Variants in CAMSAP1 observed in about 807,000 individuals in gnomAD.
CAMSAP1 encodes calmodulin regulated spectrin associated protein 1, also known as calmodulin-regulated spectrin-associated protein 1.
Under a neutral mutation model 143.5 loss-of-function variants are expected in CAMSAP1, and 58 were observed. The observed-to-expected ratio is 0.40, with a 90% CI of 0.33 to 0.50. CAMSAP1 has a LOEUF of 0.50. Among genes scored for constraint, CAMSAP1 ranks in the 20% least tolerant of loss-of-function variants. The probability of loss-of-function intolerance (pLI) is 0.45; values close to 1 mark genes in which losing one functional copy is unlikely to be tolerated. For missense variants in CAMSAP1, 1,969 were observed against 2,115.7 expected (o/e 0.93, Z 1.36); for synonymous variants, 945 against 859.3 (o/e 1.10, Z -1.74).
chr9:135,826,944 G>A lies in CAMSAP1; in HGVS notation c.1223+463C>T, dbSNP rs1360283329. On this transcript the variant is annotated intron_variant, in intron 8 of 16. Transcript: ENST00000389532. The surrounding 1 kb of genome is among the most constrained non-coding windows in gnomAD (Gnocchi z 4.4). ...TTTTCTAGAGTAGTTTAGCCTTTAA[G>A]CAGCTCTATACACTTTTTCACTCGA... Among the ~76,000 whole-genome samples, 1 of 152,154 alleles carries A rather than the reference G, an allele frequency of 6.6e-6. No homozygotes were observed.
chr9:135,851,399 A>G (rs958281177), intron 5 of CAMSAP1, among the ~76,000 whole-genome samples: 4 of 152,194 alleles, frequency 2.6e-5, no homozygotes, highest in African/African-American at 9.7e-5. Flanking sequence ...TCATTCTCAA[A>G]AGAAAACTTT....
chr9:135,850,271 A>C (rs756458094), intron 6 of CAMSAP1, 38 bp from the exon 7 acceptor site: 1 of 1,612,790 alleles, frequency 6.2e-7, no homozygotes, highest in Non-Finnish European at 8.5e-7. Context: ...TATGATAAGC[A>C]GTTTATTCAC....
intron 1 of CAMSAP1, among the ~76,000 whole-genome samples, chr9:135,897,955 A>T (rs1055021534): frequency 1.7e-4 from 26 of 152,214 alleles, no homozygotes; most frequent in South Asian, 1.0e-3. Context: ...GGAAATTTTT[A>T]AAAAATACCT....
In CAMSAP1 at chr9:135,861,347, CT is replaced by C. The variant is rs1837186139; in HGVS notation, c.808+1119del. 2.7e-5 allele frequency among the ~76,000 whole-genome samples: 4 copies of C among 149,636 alleles called. No individual in the cohort carries two copies. The South Asian group carries it at 8.4e-4, about 31-fold the overall frequency. ...TTTCCCCCCGAGACAGAGTCTCGCT[CT>C]GTTGCCCAGGCTGGAATTCTCTGGT... is the stretch of plus-strand genomic sequence containing the variant. On this transcript the variant is annotated intron_variant, in intron 5 of 16. Coordinates refer to ENST00000389532, the MANE Select transcript of CAMSAP1 (RefSeq NM_015447.4).
chr9:135,884,818 C>G (rs1029205436), intron 1 of CAMSAP1, among the ~76,000 whole-genome samples: 1 of 152,180 alleles, frequency 6.6e-6, no homozygotes, highest in East Asian at 1.9e-4. Flanking sequence ...CCGCACACGC[C>G]GGAGTGAGAC....
intron 3 of CAMSAP1, among the ~76,000 whole-genome samples, chr9:135,867,996 T>G (rs1177397011): frequency 6.6e-6 from 1 of 152,188 alleles, no homozygotes; most frequent in Non-Finnish European, 1.5e-5. Flanking sequence ...CAGTCCCACC[T>G]CATCCCACAA....
chr9:135,862,206 CCT>C (rs1564446064), intron 5 of CAMSAP1, among the ~76,000 whole-genome samples: 1 of 145,016 alleles, frequency 6.9e-6, no homozygotes, highest in African/African-American at 2.5e-5. Context: ...CTCACCTTAG[CCT>C]CCCGAGTGGC....
chr9:135,813,499 G>A (rs997617845), intron 16 of CAMSAP1, among the ~76,000 whole-genome samples: 13 of 152,208 alleles, frequency 8.5e-5, no homozygotes, highest in Non-Finnish European at 1.6e-4. Flanking sequence ...ATGCCAAAAA[G>A]AAAGAAACAT....
chr9:135,879,955 T>C (rs1837884367), intron 3 of CAMSAP1, among the ~76,000 whole-genome samples: 2 of 151,942 alleles, frequency 1.3e-5, no homozygotes, highest in Non-Finnish European at 1.5e-5. Context: ...CACTGTGTTG[T>C]AGGCCTATAT....
At chr9:135,869,727 T>C (rs1401322307) in intron 3 of CAMSAP1, among the ~76,000 whole-genome samples, 1 of 152,086 alleles carries the variant, frequency 6.6e-6, no homozygotes, top group Non-Finnish European at 1.5e-5. Flanking sequence ...CACAGGAAAC[T>C]TGTGCATGAA....
rs1201740794 is a variant in CAMSAP1, at chr9:135,826,069, T to C, written c.1224-1189A>G. 1.3e-5 allele frequency: 2 copies of C among 152,148 alleles called. No individual in the cohort carries two copies. The highest frequency in any genetic ancestry group is 4.8e-5 in the African/African-American group (2 of 41,400). 9.4% of individuals were successfully genotyped at this position (152,148 alleles called of 1,614,324 possible). A position where few individuals can be genotyped will look rare whatever the true frequency, so the allele number is the denominator to read the frequency against. On this transcript the variant is annotated intron_variant, in intron 8 of 16. Transcript: ENST00000389532. This position sits in a 1 kb window ranked among gnomAD's most constrained non-coding sequence, Gnocchi z 4.4. The stretch of plus-strand genomic sequence containing the variant: ...ACGGCACGCCCATGACGTGACAGAC[T>C]GGGTAGCTGTTGAAACTGTGGCAGA...
chr9:135,822,427 A>C lies in CAMSAP1; in HGVS notation c.2234T>G (p.Ile745Arg). 14 of 1,613,974 alleles carry C rather than the reference A, an allele frequency of 8.7e-6. No individual in the cohort carries two copies. Among genetic ancestry groups the C allele is most frequent in the Non-Finnish European group, 1.2e-5 (14 of 1,179,882 alleles). Residue 745 changes from isoleucine to arginine, a missense_variant, in exon 11 of 17, where the codon ATA becomes AGA. This residue lies in a region of CAMSAP1 where 1,390 missense variants were observed against 1,420.8 expected (regional missense o/e 0.98). Coordinates refer to ENST00000389532, the MANE Select transcript of CAMSAP1 (RefSeq NM_015447.4). The surrounding 1 kb of genome is among the most constrained non-coding windows in gnomAD (Gnocchi z 6.1). ...RQDSDSDVVD[I>R]EEAEHDFMGE... Reference sequence around the variant, plus strand: ...CATGAAATCGTGCTCGGCTTCCTCTATGTCCACCACATCCGAGTCAGAATC... The same window carrying C: ...CATGAAATCGTGCTCGGCTTCCTCTCTGTCCACCACATCCGAGTCAGAATC...
intron 4 of CAMSAP1, among the ~76,000 whole-genome samples, chr9:135,862,945 T>C (rs546316821): frequency 1.3e-5 from 2 of 152,160 alleles, no homozygotes; most frequent in South Asian, 2.1e-4. Flanking sequence ...ACACCTACAC[T>C]ACCGAAAGCC....
At chr9:135,890,581 C>A (rs534660029) in intron 1 of CAMSAP1, among the ~76,000 whole-genome samples, 33 of 152,262 alleles carry the variant, frequency 2.2e-4, no homozygotes, top group Non-Finnish European at 4.0e-4. Flanking sequence ...GGGTGGGTAA[C>A]CTGAAGGGCT....
chr9:135,812,684 T>C lies in CAMSAP1; in HGVS notation c.4507-1073A>G, dbSNP rs115825895. Among the ~76,000 whole-genome samples, 1,127 of 152,318 alleles carry C rather than the reference T, an allele frequency of 7.4e-3. 24 individuals carry two copies. Among genetic ancestry groups the C allele is most frequent in the African/African-American group, 0.026 (1,068 of 41,564 alleles). The stretch of plus-strand genomic sequence containing the variant: ...TGTGAATGATATCTCATAAAGCTGT[T>C]TGGGCCGGGCGCTGTGGCTCACGCC... On this transcript the variant is annotated intron_variant, in intron 16 of 16. Transcript: ENST00000389532.
intron 7 of CAMSAP1, among the ~76,000 whole-genome samples, chr9:135,837,569 T>C (rs2131703019): frequency 6.6e-6 from 1 of 150,474 alleles, no homozygotes; most frequent in South Asian, 2.1e-4. Flanking sequence ...CATCACGCAC[T>C]TTCTACCGGT....
At chr9:135,852,659 A>G in intron 5 of CAMSAP1, among the ~76,000 whole-genome samples, 1 of 152,156 alleles carries the variant, frequency 6.6e-6, no homozygotes, top group Non-Finnish European at 1.5e-5. Flanking sequence ...CATGTGGTTT[A>G]TTCATCTGGT....
At position 135,866,206 on chromosome 9, in the gene CAMSAP1, C is replaced by A. The variant is rs145438537; in HGVS notation, c.666+250G>T. ...CGTCCCTCACTCAAGCTTCCCAATTCCCCCAAATACCCTCACGCACCATAA... is the reference window on the plus strand; with the variant it reads ...CGTCCCTCACTCAAGCTTCCCAATTACCCCAAATACCCTCACGCACCATAA... On this transcript the variant is annotated intron_variant, in intron 4 of 16. Coordinates refer to ENST00000389532, the MANE Select transcript of CAMSAP1 (RefSeq NM_015447.4). Among the ~76,000 whole-genome samples, 29 of 152,324 alleles carry A rather than the reference C, an allele frequency of 1.9e-4. 1 individual carries two copies. The East Asian group carries it at 4.8e-3, about 25-fold the overall frequency.
chr9:135,817,225 C>T (rs1444682743), intron 14 of CAMSAP1, among the ~76,000 whole-genome samples: 1 of 152,218 alleles, frequency 6.6e-6, no homozygotes, highest in Admixed American at 6.5e-5. Flanking sequence ...GTCAGGGACA[C>T]TCTTGGGATA....
Sources: allele counts gnomAD v4.1 joint callset (sites outside exome capture counted in the v4.1 genomes callset), GRCh38; gene constraint gnomAD v4.1.1; regional missense constraint gnomAD v4.1.1; non-coding constraint Gnocchi (gnomAD v3.1); transcripts MANE v1.5; gene names NCBI Gene and HGNC (gene_info 2026-07-23, HGNC 2026-07-21).